The following ZNF14 variants were observed in gnomAD, a reference collection of about 807,000 sequenced individuals.
ZNF14 encodes gonadotropin inducible transcription repressor-4.
Under a neutral mutation model 11.3 loss-of-function variants are expected in ZNF14, and 9 were observed. The ratio of observed to expected loss-of-function variants is 0.80; its 90% confidence interval spans 0.48 to 1.39. The LOEUF is 1.39. ZNF14 is among the 40% of genes most tolerant of loss of function. ZNF14 has a pLI of 0.00. For missense variants in ZNF14, 711 were observed against 763.9 expected (o/e 0.93, Z 0.82); for synonymous variants, 239 against 245.7 (o/e 0.97, Z 0.25).
rs538415624 is a variant in ZNF14 at position 19,728,088 on chromosome 19, C to G, written c.3+4868G>C. On this transcript the variant is annotated intron_variant, in intron 1 of 3. Transcript: ENST00000344099. ...CCAAGATCGCACCATTGCACTCCAGCCTGGGCAACACAGTGAGACTCTTGT... is the reference window on the plus strand; with the variant it reads ...CCAAGATCGCACCATTGCACTCCAGGCTGGGCAACACAGTGAGACTCTTGT... Among the ~76,000 whole-genome samples, 36 of 127,340 alleles carry G rather than the reference C, an allele frequency of 2.8e-4. 9 individuals are homozygous for G. Among genetic ancestry groups the G allele is most frequent in the Non-Finnish European group, 1.6e-4 (9 of 57,444 alleles). The allele number at this position is 127,340 out of a possible 152,430, so 83.5% of individuals were successfully genotyped here. A position where few individuals can be genotyped will look rare whatever the true frequency, so the allele number is the denominator to read the frequency against.
Position 19,711,489 on chromosome 19 carries a change from A to C in ZNF14, c.1792T>G (p.Phe598Val), listed in dbSNP as rs748871908. The C allele has an allele frequency of 5.6e-6, 9 of 1,613,468 alleles. No individual in the cohort carries two copies. In the East Asian group the frequency reaches 1.8e-4, roughly 32 times the overall value. ...TCATGAATTCGAACAGAACTTGAAA[A>C]TCTGAAGGCTTTCCCACATTGTTTA... ...RCKQCGKAFR[F>V]SSSVRIHERS... The change falls in exon 4 of 4, where the codon TTT becomes GTT. Residue 598 changes from phenylalanine to valine, a missense_variant. Transcript: ENST00000344099.
intron 1 of ZNF14, among the ~76,000 whole-genome samples, chr19:19,715,996 A>G (rs1333331565): frequency 1.3e-5 from 2 of 152,184 alleles, no homozygotes; most frequent in African/African-American, 4.8e-5. Context: ...CTAGGAAGTT[A>G]GAGCTCAGGC....
At chr19:19,729,955 G>A (rs763642856) in intron 1 of ZNF14, among the ~76,000 whole-genome samples, 9 of 152,184 alleles carry the variant, frequency 5.9e-5, no homozygotes, top group Non-Finnish European at 1.3e-4. Context: ...GCACCATTCA[G>A]AATGTGACAT....
Position 19,711,577 on chromosome 19 carries a change from G to T in ZNF14, c.1704C>A (p.Phe568Leu). 6.2e-7 allele frequency: 1 copy of T among 1,613,786 alleles called. No homozygotes were observed. The change falls in exon 4 of 4, where the codon TTC (phenylalanine) becomes TTA (leucine). Residue 568 changes from phenylalanine to leucine, a missense_variant. Physicochemically the swap from Phe to Leu is conservative, Grantham distance 22. Transcript: ENST00000344099. ...PYQCKQCGKA[F>L]ISSSKFRMHE... The stretch of plus-strand genomic sequence containing the variant: ...GCATTCGAAATTTACTGGAAGAAAT[G>T]AAGGCTTTTCCACATTGTTTACATT...
At chr19:19,717,114 G>T (rs2062379985) in intron 1 of ZNF14, among the ~76,000 whole-genome samples, 1 of 152,138 alleles carries the variant, frequency 6.6e-6, no homozygotes, top group African/African-American at 2.4e-5. Flanking sequence ...CCACAAGACT[G>T]CCCCCATGTC....
At chr19:19,725,172 A>T (rs941671381) in intron 1 of ZNF14, among the ~76,000 whole-genome samples, 3 of 133,780 alleles carry the variant, frequency 2.2e-5, no homozygotes, top group Non-Finnish European at 3.3e-5. Context: ...TCTTCCTAGC[A>T]TCAACGGTCT....
Position 19,711,293 on chromosome 19 carries a change from CTTT to C in ZNF14, c.*56_*58del. 1 of 1,506,408 alleles carries C rather than the reference CTTT, an allele frequency of 6.6e-7. No homozygotes were observed. The highest frequency in any genetic ancestry group is 8.9e-7 in the Non-Finnish European group (1 of 1,127,098). 93.3% of individuals were successfully genotyped at this position (1,506,408 alleles called of 1,614,324 possible). On this transcript the variant is annotated 3_prime_UTR_variant, in exon 4 of 4. Coordinates refer to ENST00000344099, the MANE Select transcript of ZNF14 (RefSeq NM_021030.3). ...ACACAGCTTCTGTCCAGTATGAACTCTTTTGTGTATTCAGAAGGAGCTGGAACA... is the reference window on the plus strand; with the variant it reads ...ACACAGCTTCTGTCCAGTATGAACTCTGTGTATTCAGAAGGAGCTGGAACA...
At position 19,711,061 on chromosome 19, in the gene ZNF14, G is replaced by T. The variant is rs139498830; in HGVS notation, c.*291C>A. The T allele has an allele frequency of 6.7e-4, 197 of 293,074 alleles. No homozygotes were observed. Among genetic ancestry groups the T allele is most frequent in the Middle Eastern group, 4.4e-3 (4 of 912 alleles). 18.2% of individuals were successfully genotyped at this position (293,074 alleles called of 1,614,324 possible). ...CAAAGTGCTGGGACTATAGGCATGA[G>T]CCAACAAGCTTGGCCTTTTTTAAAA... On this transcript the variant is annotated 3_prime_UTR_variant, in exon 4 of 4. Transcript: ENST00000344099.
chr19:19,714,060 G>A (rs200176543), intron 3 of ZNF14, 31 bp downstream of exon 3: 12 of 1,598,458 alleles, frequency 7.5e-6, no homozygotes, highest in South Asian at 3.4e-5. Context: ...ATTCCCCCAC[G>A]GGCCACTATT....
At chr19:19,719,070 A>T (rs2062385401) in intron 1 of ZNF14, among the ~76,000 whole-genome samples, 1 of 152,104 alleles carries the variant, frequency 6.6e-6, no homozygotes, top group Admixed American at 6.6e-5. Context: ...CCAGCCCAAG[A>T]CTCTTTACAG....
intron 1 of ZNF14, among the ~76,000 whole-genome samples, chr19:19,714,990 G>A (rs1331860653): frequency 6.6e-6 from 1 of 152,056 alleles, no homozygotes; most frequent in Non-Finnish European, 1.5e-5. Flanking sequence ...GATTACAGGC[G>A]TGAGCCACTG....
chr19:19,721,056 C>T (rs2062392067), intron 1 of ZNF14, among the ~76,000 whole-genome samples: 1 of 152,192 alleles, frequency 6.6e-6, no homozygotes, highest in South Asian at 2.1e-4. Flanking sequence ...CTCCCGGGTT[C>T]AAGTGATCCT....
rs1289172527 is a variant in ZNF14 at position 19,711,981 on chromosome 19, G to C, written c.1300C>G (p.Leu434Val). 6.2e-7 allele frequency: 1 copy of C among 1,612,384 alleles called. No homozygotes were observed. Among genetic ancestry groups the C allele is most frequent in the East Asian group, 2.2e-5 (1 of 44,688 alleles). ...TTGTGAGTCCTTTCATGTCTTTGAA[G>C]GGAACTTGAAAAACTGAAGGTTTTA... ...CGKTFSFSSSLQRHERTHNAE... is the reference protein window; with the variant it reads ...CGKTFSFSSSVQRHERTHNAE... Residue 434 changes from leucine to valine, a missense_variant, in exon 4 of 4, where the codon CTT becomes GTT. Transcript: ENST00000344099.
Position 19,713,924 on chromosome 19 carries a change from C to T in ZNF14, c.191+167G>A, listed in dbSNP as rs538163238. Reference sequence around the variant, plus strand: ...TAAAAGGGGTTTCTAAATGCTATTTCGAAGTGATTTATTTTTCACATCCTG... The same window carrying T: ...TAAAAGGGGTTTCTAAATGCTATTTTGAAGTGATTTATTTTTCACATCCTG... On this transcript the variant is annotated intron_variant, in intron 3 of 3. Coordinates refer to ENST00000344099, the MANE Select transcript of ZNF14 (RefSeq NM_021030.3). Among the ~76,000 whole-genome samples the T allele has an allele frequency of 2.4e-4, 36 of 152,020 alleles. No individual in the cohort carries two copies. In the Middle Eastern group the frequency reaches 0.01, roughly 43 times the overall value.
chr19:19,713,763 T>TTC (rs1555761279), intron 3 of ZNF14, among the ~76,000 whole-genome samples: 1 of 148,816 alleles, frequency 6.7e-6, no homozygotes, highest in Non-Finnish European at 1.5e-5. Flanking sequence ...TTTTTTTTTT[T>TTC]CCCCAGATGA....
chr19:19,730,879 T>C lies in ZNF14; in HGVS notation c.3+2077A>G, dbSNP rs556026372. Among the ~76,000 whole-genome samples the C allele has an allele frequency of 2.0e-5, 3 of 152,186 alleles. No homozygotes were observed. In the East Asian group the frequency reaches 5.8e-4, roughly 29 times the overall value. Reference sequence around the variant, plus strand: ...GTGAGCCGAGATCACCCCATTGCACTCCAGCCTGGGCAACAAGAGTGAAAC... The same window carrying C: ...GTGAGCCGAGATCACCCCATTGCACCCCAGCCTGGGCAACAAGAGTGAAAC... On this transcript the variant is annotated intron_variant, in intron 1 of 3. Coordinates refer to ENST00000344099, the MANE Select transcript of ZNF14 (RefSeq NM_021030.3).
chr19:19,732,942 C>A lies in ZNF14; in HGVS notation c.3+14G>T, dbSNP rs760800386. 6.2e-7 allele frequency: 1 copy of A among 1,613,638 alleles called. No homozygotes were observed. Among genetic ancestry groups the A allele is most frequent in the Non-Finnish European group, 8.5e-7 (1 of 1,179,654 alleles). ...CCAGAAACCTCCCCTCGGACACTGG[C>A]CCCGCACACTCACCATTTCCCAGCG... is the stretch of plus-strand genomic sequence containing the variant. On this transcript the variant is annotated intron_variant, in intron 1 of 3. Coordinates refer to ENST00000344099, the MANE Select transcript of ZNF14 (RefSeq NM_021030.3).
At position 19,711,239 on chromosome 19, in the gene ZNF14, T is replaced by C; in HGVS notation, c.*113A>G. ...TCGTGCTCAAAAGAAACTGGAACAA[T>C]TAAGGGCTTTAGAACAATGTTTGTA... is the stretch of plus-strand genomic sequence containing the variant. On this transcript the variant is annotated 3_prime_UTR_variant, in exon 4 of 4. Transcript: ENST00000344099. The C allele has an allele frequency of 8.1e-7, 1 of 1,240,446 alleles. No homozygotes were observed. Among genetic ancestry groups the C allele is most frequent in the South Asian group, 1.8e-5 (1 of 56,832 alleles). 76.8% of individuals were successfully genotyped at this position (1,240,446 alleles called of 1,614,324 possible).
intron 3 of ZNF14, among the ~76,000 whole-genome samples, chr19:19,713,679 C>A (rs954697104): frequency 6.6e-6 from 1 of 151,542 alleles, no homozygotes; most frequent in African/African-American, 2.4e-5. Context: ...GAACTCCTGA[C>A]CTCAGATGAT....
Sources: gnomAD v4.1 joint callset for allele counts (sites outside exome capture counted in the v4.1 genomes callset) on GRCh38, gnomAD v4.1.1 for gene constraint, MANE v1.5 for transcripts, NCBI Gene and HGNC (gene_info 2026-07-23, HGNC 2026-07-21) for gene names.